The following AKR1B1 variants were observed in gnomAD, a reference collection of about 807,000 sequenced individuals.
The protein encoded by AKR1B1 is aldo-keto reductase family 1 member B, also known as aldo-keto reductase family 1 member B1.
Under a neutral mutation model 40.4 loss-of-function variants are expected in AKR1B1, and 22 were observed. The ratio of observed to expected loss-of-function variants is 0.54; its 90% CI spans 0.39 to 0.78. The LOEUF is 0.78. Among genes scored for constraint, AKR1B1 ranks in the 30% least tolerant of loss-of-function variants. The pLI, the probability that AKR1B1 is intolerant of heterozygous loss-of-function variation, is 0.00. For missense variants in AKR1B1, 357 were observed against 396.7 expected, an observed-to-expected ratio of 0.90 and a Z score of 0.85; for synonymous variants, 157 against 149.9, an observed-to-expected ratio of 1.05 and a Z score of -0.35.
At chr7:134,458,722 T>G (rs1806571860) in intron 1 of AKR1B1, among the ~76,000 whole-genome samples, 1 of 152,002 alleles carries the variant, frequency 6.6e-6, no homozygotes, top group Non-Finnish European at 1.5e-5. Context: ...CCATCAAGGG[T>G]TGCCCGCGGT....
intron 6 of AKR1B1, 114 bp downstream of exon 6, chr7:134,448,273 G>T: frequency 9.7e-7 from 1 of 1,027,842 alleles, no homozygotes; most frequent in Non-Finnish European, 1.5e-6. Flanking sequence ...AGAGGCTCAG[G>T]GGAAGTTTTG....
At position 134,443,041 on chromosome 7, in the gene AKR1B1, G is replaced by A. The variant is rs116352398; in HGVS notation, c.909-271C>T. Among the ~76,000 whole-genome samples, 1,201 of 152,268 alleles carry A rather than the reference G, an allele frequency of 7.9e-3. 16 individuals carry two copies. The highest frequency in any genetic ancestry group is 0.027 in the African/African-American group (1,119 of 41,542). On this transcript the variant is annotated intron_variant, in intron 9 of 9. Coordinates refer to ENST00000285930, the MANE Select transcript of AKR1B1 (RefSeq NM_001628.4). ...GCACTGTGCCTGGGCCGTGCAGGAC[G>A]GCAACACGATTTCTGCCTTCCAGTA...
rs1429030704 is a variant in AKR1B1 at position 134,451,668 on chromosome 7, T to C, written c.152A>G (p.Asn51Ser). Residue 51 changes from asparagine (N) to serine (S), a missense_variant, in exon 2 of 10, where the codon AAT (asparagine) becomes AGT (serine). By Grantham distance (46) the Asn-to-Ser change is conservative. Transcript: ENST00000285930. ...AATGGCCACCCCCACCTCATTCTCA[T>C]TCTGGTACACATGGGCACAGTCGAT... ...RHIDCAHVYQ[N>S]ENEVGVAIQE... The C allele has an allele frequency of 3.1e-6, 5 of 1,614,052 alleles. No homozygotes were observed. The highest frequency in any genetic ancestry group is 4.2e-6 in the Non-Finnish European group (5 of 1,180,030).
Position 134,442,649 on chromosome 7 carries a change from C to T in AKR1B1, c.*79G>A. On this transcript the variant is annotated 3_prime_UTR_variant, in exon 10 of 10. Coordinates refer to ENST00000285930, the MANE Select transcript of AKR1B1 (RefSeq NM_001628.4). ...TGTCCCACTGCTGAGTGACACAGGC[C>T]ATACTACATTTGCAAGGAAAAAAAT... 1.4e-6 allele frequency: 2 copies of T among 1,445,162 alleles called. No homozygotes were observed. Among genetic ancestry groups the T allele is most frequent in the East Asian group, 4.6e-5 (2 of 43,692 alleles). The allele number at this position is 1,445,162 out of a possible 1,614,324, so 89.5% of individuals were successfully genotyped here.
Position 134,449,707 on chromosome 7 carries a change from G to A in AKR1B1, c.429+13C>T, listed in dbSNP as rs201341330. ...CAGTCACGAAAACAAGGTCCAACCA[G>A]GGGCTGTCTTACCGCCCACGTGTCC... On this transcript the variant is annotated intron_variant, in intron 4 of 9. Transcript: ENST00000285930. The A allele has an allele frequency of 3.2e-5, 51 of 1,609,138 alleles. No homozygotes were observed. The African/African-American group carries it at 5.6e-4, about 18-fold the overall frequency.
intron 2 of AKR1B1, 99 bp downstream of exon 2, chr7:134,451,487 G>T: frequency 6.9e-7 from 1 of 1,440,666 alleles, no homozygotes; most frequent in Non-Finnish European, 9.8e-7. Context: ...GCCCATCAGT[G>T]AAAAGTGTAG....
At chr7:134,444,606 C>T (rs1806041722) in intron 9 of AKR1B1, 1 of 158,736 alleles carries the variant, frequency 6.3e-6, no homozygotes, top group Non-Finnish European at 1.4e-5. Context: ...GAAGTTCCTT[C>T]TTGAAAGCAG....
intron 7 of AKR1B1, chr7:134,447,753 C>T: frequency 6.2e-6 from 4 of 643,240 alleles, no homozygotes; most frequent in South Asian, 1.8e-5. Context: ...CGCTGGCCCT[C>T]GTGGCAGTCA....
chr7:134,454,713 G>A (rs1806410952), intron 1 of AKR1B1, among the ~76,000 whole-genome samples: 1 of 152,208 alleles, frequency 6.6e-6, no homozygotes, highest in South Asian at 2.1e-4. Context: ...GATAAGGGGA[G>A]GGGGCAAAGG....
At position 134,445,340 on chromosome 7, in the gene AKR1B1, A is replaced by G; in HGVS notation, c.826-20T>C. The G allele has an allele frequency of 6.2e-7, 1 of 1,600,354 alleles. No homozygotes were observed. The highest frequency in any genetic ancestry group is 1.1e-5 in the South Asian group (1 of 89,078). ...AAAGACCTAAAAAACAAACAAAAAA[A>G]TCCAGTAAGCTCTGCAAATAAAAAT... On this transcript the variant is annotated intron_variant, in intron 8 of 9. Transcript: ENST00000285930.
chr7:134,443,477 G>C (rs567476840), intron 9 of AKR1B1, among the ~76,000 whole-genome samples: 1 of 152,282 alleles, frequency 6.6e-6, no homozygotes, highest in East Asian at 1.9e-4. Flanking sequence ...AGAAGCAACG[G>C]CAAGTGCTCT....
chr7:134,443,292 G>C (rs979918614), intron 9 of AKR1B1, among the ~76,000 whole-genome samples: 94 of 152,120 alleles, frequency 6.2e-4, no homozygotes, highest in African/African-American at 2.3e-3. Flanking sequence ...GCATGCCCAT[G>C]GCCCCAGCTA....
At chr7:134,446,070 G>A (rs900932898) in intron 8 of AKR1B1, among the ~76,000 whole-genome samples, 2 of 152,200 alleles carry the variant, frequency 1.3e-5, no homozygotes, top group African/African-American at 4.8e-5. Context: ...TATGATCACA[G>A]AAAAATGTGC....
chr7:134,445,221 C>T lies in AKR1B1; in HGVS notation c.908+17G>A, dbSNP rs1476918784. The stretch of plus-strand genomic sequence containing the variant: ...AATATCTCCTGGGAACTGCTCCTCA[C>T]ACTGGGGCTCACTCACCTCAACAAG... On this transcript the variant is annotated intron_variant, in intron 9 of 9. Transcript: ENST00000285930. The T allele has an allele frequency of 3.1e-6, 5 of 1,606,270 alleles. No individual in the cohort carries two copies. The East Asian group carries it at 1.1e-4, about 36-fold the overall frequency.
chr7:134,449,866 A>G lies in AKR1B1; in HGVS notation c.352-69T>C, dbSNP rs1033403211. On this transcript the variant is annotated intron_variant, in intron 3 of 9. Coordinates refer to ENST00000285930, the MANE Select transcript of AKR1B1 (RefSeq NM_001628.4). Reference sequence around the variant, plus strand: ...AGTCCTTCACAGACCTGCTGGGGGAAGCTGGCATCTAAAACAATTCTAAAC... The same window carrying G: ...AGTCCTTCACAGACCTGCTGGGGGAGGCTGGCATCTAAAACAATTCTAAAC... 4 of 1,316,540 alleles carry G rather than the reference A, an allele frequency of 3.0e-6. No homozygotes were observed. In the African/African-American group the frequency reaches 5.8e-5, roughly 19 times the overall value. The allele number at this position is 1,316,540 out of a possible 1,614,324, so 81.6% of individuals were successfully genotyped here. A position where few individuals can be genotyped will look rare whatever the true frequency, so the allele number is the denominator to read the frequency against.
intron 1 of AKR1B1, among the ~76,000 whole-genome samples, chr7:134,454,392 C>CT: frequency 6.6e-6 from 1 of 152,310 alleles, no homozygotes; most frequent in South Asian, 2.1e-4. Flanking sequence ...AACTCTGAGA[C>CT]ACTGATAACT....
At chr7:134,458,531 G>C (rs1417778670) in intron 1 of AKR1B1, among the ~76,000 whole-genome samples, 2 of 152,152 alleles carry the variant, frequency 1.3e-5, no homozygotes, top group Non-Finnish European at 1.5e-5. Flanking sequence ...TGAGGCAACC[G>C]GGCTACAGGT....
intron 2 of AKR1B1, chr7:134,451,384 C>A: frequency 1.5e-6 from 1 of 678,586 alleles, no homozygotes; most frequent in Non-Finnish European, 2.6e-6. Flanking sequence ...AAGCAATGGG[C>A]CCAGATGGAA....
Position 134,449,742 on chromosome 7 carries a change from G to T in AKR1B1, c.407C>A (p.Thr136Asn). Reference sequence around the variant, plus strand: ...TACCGCCCACGTGTCCAGAATGTTGGTGTCACTGGGAACCACATTGCCCGA... The same window carrying T: ...TACCGCCCACGTGTCCAGAATGTTGTTGTCACTGGGAACCACATTGCCCGA... ...DESGNVVPSD[T>N]NILDTWAAME... Residue 136 changes from threonine (T) to asparagine (N), a missense_variant, in exon 4 of 10, where the codon ACC becomes AAC. By Grantham distance (65) the Thr-to-Asn change is moderately conservative. Transcript: ENST00000285930. The T allele has an allele frequency of 6.2e-7, 1 of 1,614,082 alleles. No individual in the cohort carries two copies.
Sources: gnomAD v4.1 joint callset for allele counts (sites outside exome capture counted in the v4.1 genomes callset) on GRCh38, gnomAD v4.1.1 for gene constraint, MANE v1.5 for transcripts, NCBI Gene and HGNC (gene_info 2026-07-23, HGNC 2026-07-21) for gene names.